ANO3: variants seen among roughly 807,000 people sequenced by gnomAD.
ANO3 encodes anoctamin-3.
In ANO3, 99 loss-of-function variants were observed where a neutral mutation model predicts 144.8. The ratio of observed to expected loss-of-function variants is 0.68; its 90% CI spans 0.58 to 0.81. The LOEUF is 0.81. Among genes scored for constraint, ANO3 ranks in the 30% least tolerant of loss-of-function variants. The pLI, the probability that ANO3 is intolerant of heterozygous loss-of-function variation, is 0.00. For synonymous variants in ANO3, 414 were observed against 392.6 expected, an observed-to-expected ratio of 1.05 and a Z score of -0.64; for missense variants, 905 against 1,202.2, an observed-to-expected ratio of 0.75 and a Z score of 3.66.
chr11:26,285,208 A>G (rs1309390077), intron 1 of ANO3, among the ~76,000 whole-genome samples: 2 of 152,188 alleles, frequency 1.3e-5, no homozygotes, highest in Admixed American at 1.3e-4. Context: ...ATTTTGTAAA[A>G]GAGCCTGAAG....
chr11:26,544,281 TACACACAC>T (rs34866679), intron 11 of ANO3, among the ~76,000 whole-genome samples: 108 of 86,864 alleles, frequency 1.2e-3, no homozygotes, highest in South Asian at 2.1e-3. Context: ...TATACACACA[TACACACAC>T]ACACACACAT....
intron 1 of ANO3, among the ~76,000 whole-genome samples, chr11:26,302,661 G>A (rs1272861059): frequency 6.6e-6 from 1 of 151,812 alleles, no homozygotes; most frequent in Non-Finnish European, 1.5e-5. Context: ...ATAAATACTG[G>A]GATGTGTTGA....
chr11:26,569,923 T>G lies in ANO3; in HGVS notation c.1447+10144T>G, dbSNP rs1850752760. ...AAATCAGGAGAACCCAGTAATGATT[T>G]CACCTCCTGATCTTTGCCTCTTTTT... On this transcript the variant is annotated intron_variant, in intron 14 of 26. Transcript: ENST00000256737. Among the ~76,000 whole-genome samples, 2 of 151,816 alleles carry G rather than the reference T, an allele frequency of 1.3e-5. 1 individual carries two copies. Among genetic ancestry groups the G allele is most frequent in the South Asian group, 4.2e-4 (2 of 4,802 alleles).
intron 14 of ANO3, among the ~76,000 whole-genome samples, chr11:26,564,680 TACTCATATATATACACAC>T (rs1307236367): frequency 1.6e-5 from 2 of 125,474 alleles, no homozygotes; most frequent in Non-Finnish European, 3.4e-5. Context: ...CATATATATA[TACTCATATATATACACAC>T]ACACACACAC....
chr11:26,354,720 A>G (rs1855732974), intron 1 of ANO3, among the ~76,000 whole-genome samples: 1 of 152,024 alleles, frequency 6.6e-6, no homozygotes, highest in Admixed American at 6.6e-5. Context: ...AACTTTTCAT[A>G]TTACCTCCAC....
chr11:26,313,871 T>TTATAA (rs59751659), intron 1 of ANO3, among the ~76,000 whole-genome samples: 4,987 of 147,508 alleles, frequency 0.034, 92 homozygotes, highest in East Asian at 0.061. Context: ...AAATTAAATA[T>TTATAA]TATAATATAA....
chr11:26,478,612 G>A (rs1288315081), intron 4 of ANO3, among the ~76,000 whole-genome samples: 5 of 152,076 alleles, frequency 3.3e-5, no homozygotes, highest in Non-Finnish European at 7.4e-5. Flanking sequence ...TCAGCTACAG[G>A]AAGAAAATTA....
chr11:26,388,299 A>G (rs1590318523), intron 1 of ANO3, among the ~76,000 whole-genome samples: 1 of 151,876 alleles, frequency 6.6e-6, no homozygotes, highest in African/African-American at 2.4e-5. Flanking sequence ...TTAGGCAAAA[A>G]AGAAATATTT....
At chr11:26,362,536 T>C (rs754393004) in intron 1 of ANO3, among the ~76,000 whole-genome samples, 7 of 152,154 alleles carry the variant, frequency 4.6e-5, no homozygotes, top group Non-Finnish European at 8.8e-5. Flanking sequence ...TCATGGTGGC[T>C]AGGGCTGACC....
chr11:26,255,295 G>A (rs547794796), intron 1 of ANO3, among the ~76,000 whole-genome samples: 4 of 152,086 alleles, frequency 2.6e-5, no homozygotes, highest in Admixed American at 6.6e-5. Flanking sequence ...AGTGTTGTGC[G>A]ATTGGAAGAA....
intron 1 of ANO3, among the ~76,000 whole-genome samples, chr11:26,418,297 T>C (rs1023827211): frequency 3.9e-5 from 6 of 152,106 alleles, no homozygotes; most frequent in African/African-American, 1.4e-4. Flanking sequence ...AAATTGCTTT[T>C]AGTTGAGTTA....
intron 1 of ANO3, among the ~76,000 whole-genome samples, chr11:26,195,202 T>A (rs1851560754): frequency 6.6e-6 from 1 of 152,212 alleles, no homozygotes; most frequent in Non-Finnish European, 1.5e-5. Flanking sequence ...GATAGTGGCA[T>A]CACCATGGTC....
intron 1 of ANO3, among the ~76,000 whole-genome samples, chr11:26,366,693 C>T (rs1286585068): frequency 3.3e-5 from 5 of 151,948 alleles, no homozygotes; most frequent in Non-Finnish European, 7.4e-5. Flanking sequence ...GATGGTATCT[C>T]ATTGTGGTTT....
chr11:26,334,781 AT>A (rs1284677659), intron 1 of ANO3, among the ~76,000 whole-genome samples: 1 of 152,162 alleles, frequency 6.6e-6, no homozygotes, highest in Non-Finnish European at 1.5e-5. Context: ...AGTTGATGGA[AT>A]TTACTTTTGT....
At chr11:26,617,337 T>A (rs996165586) in intron 17 of ANO3, among the ~76,000 whole-genome samples, 5 of 152,226 alleles carry the variant, frequency 3.3e-5, no homozygotes, top group African/African-American at 9.6e-5. Flanking sequence ...TTAATGAGGC[T>A]TAATGTATTA....
chr11:26,303,927 C>T (rs1564956947), intron 1 of ANO3, among the ~76,000 whole-genome samples: 1 of 151,884 alleles, frequency 6.6e-6, no homozygotes, highest in Non-Finnish European at 1.5e-5. Flanking sequence ...ACCACTTTGG[C>T]GGGTCTCGAT....
At chr11:26,536,304 G>A (rs1256878304) in intron 9 of ANO3, among the ~76,000 whole-genome samples, 1 of 147,118 alleles carries the variant, frequency 6.8e-6, no homozygotes, top group African/African-American at 2.5e-5. Flanking sequence ...GGGTGGCAGA[G>A]TTAGACTCTG....
intron 1 of ANO3, among the ~76,000 whole-genome samples, chr11:26,423,559 A>T (rs192498244): frequency 1.1e-3 from 172 of 151,816 alleles, no homozygotes; most frequent in African/African-American, 2.7e-3. Context: ...AATTTTTTTT[A>T]AAAAAAAGAT....
At chr11:26,415,345 A>G (rs1447552582) in intron 1 of ANO3, among the ~76,000 whole-genome samples, 3 of 152,194 alleles carry the variant, frequency 2.0e-5, no homozygotes, top group African/African-American at 7.2e-5. Flanking sequence ...TGAGGATGCT[A>G]ACATTCAGAA....
Sources: gnomAD v4.1 joint callset for allele counts (sites outside exome capture counted in the v4.1 genomes callset) on GRCh38, gnomAD v4.1.1 for gene constraint, MANE v1.5 for transcripts, NCBI Gene and HGNC (gene_info 2026-07-23, HGNC 2026-07-21) for gene names.